ADAMTS17: variants seen among roughly 807,000 people sequenced by gnomAD.
ADAMTS17 encodes ADAM metallopeptidase with thrombospondin type 1 motif 17.
In ADAMTS17, 113 loss-of-function variants were observed where a neutral mutation model predicts 141.5. That is an observed-to-expected ratio of 0.80 (90% confidence interval 0.69 to 0.93). The LOEUF (loss-of-function observed/expected upper bound fraction) is 0.93, where lower values mean the gene tolerates loss of function less well. Among genes scored for constraint, ADAMTS17 ranks in the 40% least tolerant of loss-of-function variants. ADAMTS17 has a pLI of 0.00. For synonymous variants in ADAMTS17, 768 were observed against 630.6 expected (o/e 1.22, Z -3.27); for missense variants, 1,659 against 1,517.9 (o/e 1.09, Z -1.54).
chr15:100,132,010 G>C lies in ADAMTS17; in HGVS notation c.1718C>G (p.Pro573Arg). 1.2e-6 allele frequency: 2 copies of C among 1,614,218 alleles called. No homozygotes were observed. Among genetic ancestry groups the C allele is most frequent in the Non-Finnish European group, 1.7e-6 (2 of 1,180,040 alleles). Reference sequence around the variant, plus strand: ...TATGGCTGGTCAGGGGACTTACGGGGGGTTGTCACATTTCCTCTGCCTGAA... The same window carrying C: ...TATGGCTGGTCAGGGGACTTACGGGCGGTTGTCACATTTCCTCTGCCTGAA... ...ARFRQRKCDNPPPGPGGTHCP... is the reference protein window; with the variant it reads ...ARFRQRKCDNRPPGPGGTHCP... The change falls in exon 12 of 22, where the codon CCC becomes CGC. Residue 573 changes from proline (P) to arginine (R), a missense_variant. Coordinates refer to ENST00000268070, the MANE Select transcript of ADAMTS17 (RefSeq NM_139057.4).
At chr15:100,281,847 C>A (rs7496994) in intron 3 of ADAMTS17, among the ~76,000 whole-genome samples, 62,926 of 151,966 alleles carry the variant, frequency 0.41, 13,684 homozygotes, top group South Asian at 0.58. Context: ...GGGCTGGCAT[C>A]CCAGTAACTC....
intron 18 of ADAMTS17, among the ~76,000 whole-genome samples, chr15:100,045,479 T>C (rs2031612557): frequency 1.3e-5 from 2 of 152,164 alleles, no homozygotes; most frequent in Non-Finnish European, 2.9e-5. Context: ...ACTGTCTCTC[T>C]TGTGGTGGGC....
At chr15:100,310,690 A>G (rs2045374523) in intron 3 of ADAMTS17, among the ~76,000 whole-genome samples, 1 of 152,158 alleles carries the variant, frequency 6.6e-6, no homozygotes, top group Admixed American at 6.5e-5. Context: ...GTGACGCCTG[A>G]CGTTTTCTGC....
intron 4 of ADAMTS17, among the ~76,000 whole-genome samples, chr15:100,280,074 A>T (rs1334925282): frequency 6.6e-6 from 1 of 150,492 alleles, no homozygotes; most frequent in Non-Finnish European, 1.5e-5. Flanking sequence ...AGTGCTACTC[A>T]CTCCGCTACT....
rs181080188 is a variant in ADAMTS17 at position 100,339,114 on chromosome 15, G to C, written c.450+1925C>G. ...AAGCTGAAGTCTTAGAGGTACAACC[G>C]CCACTGGCACACACTGAACTCAGCC... is the stretch of plus-strand genomic sequence containing the variant. On this transcript the variant is annotated intron_variant, in intron 2 of 21. Transcript: ENST00000268070. The C allele has an allele frequency of 1.5e-5, 15 of 985,446 alleles. No individual in the cohort carries two copies. The East Asian group carries it at 1.6e-3, about 104-fold the overall frequency. 61.0% of individuals were successfully genotyped at this position (985,446 alleles called of 1,614,324 possible). A position where few individuals can be genotyped will look rare whatever the true frequency, so the allele number is the denominator to read the frequency against.
intron 15 of ADAMTS17, among the ~76,000 whole-genome samples, chr15:100,058,298 G>A (rs2032802029): frequency 1.9e-5 from 1 of 52,372 alleles, no homozygotes; most frequent in Non-Finnish European, 5.1e-5. Flanking sequence ...TCCTATCCCG[G>A]CTCTAACACC....
At chr15:100,252,781 C>T (rs904489711) in intron 7 of ADAMTS17, among the ~76,000 whole-genome samples, 4 of 152,172 alleles carry the variant, frequency 2.6e-5, no homozygotes, top group Non-Finnish European at 2.9e-5. Flanking sequence ...CTTGACATCT[C>T]GCTCTCAGAT....
chr15:100,314,774 T>G (rs2045509517), intron 3 of ADAMTS17, among the ~76,000 whole-genome samples: 1 of 152,182 alleles, frequency 6.6e-6, no homozygotes, highest in South Asian at 2.1e-4. Context: ...GGACAGTGCC[T>G]GCAGCCAGCC....
intron 7 of ADAMTS17, among the ~76,000 whole-genome samples, chr15:100,205,285 A>G (rs2041492948): frequency 6.6e-6 from 1 of 152,158 alleles, no homozygotes; most frequent in Admixed American, 6.5e-5. Flanking sequence ...GTTAAGGGTA[A>G]GTGGAGGAAT....
chr15:100,006,371 CA>C (rs1453320229), intron 18 of ADAMTS17, among the ~76,000 whole-genome samples: 1 of 152,178 alleles, frequency 6.6e-6, no homozygotes, highest in East Asian at 1.9e-4. Flanking sequence ...ATTTAAAATT[CA>C]ATTTCTATTT....
chr15:100,308,296 G>A (rs7177494), intron 3 of ADAMTS17, among the ~76,000 whole-genome samples: 3,452 of 152,266 alleles, frequency 0.023, 138 homozygotes, highest in African/African-American at 0.079. Context: ...TCAGTTGTCT[G>A]GAACACAGGC....
chr15:100,124,614 C>T (rs926962367), intron 12 of ADAMTS17, among the ~76,000 whole-genome samples: 54 of 152,258 alleles, frequency 3.5e-4, no homozygotes, highest in African/African-American at 1.3e-3. Context: ...TGCCCTCCTA[C>T]TGTACTGACA....
Position 99,973,834 on chromosome 15 carries a change from T to TGC in ADAMTS17, c.*567_*568insGC. ...AACACCTAGGATTTAGAGACTATGTTCTCAGAGACGGGCATGGAGGCAACG... is the reference window on the plus strand; with the variant it reads ...AACACCTAGGATTTAGAGACTATGTTGCCTCAGAGACGGGCATGGAGGCAACG... On this transcript the variant is annotated 3_prime_UTR_variant, in exon 22 of 22. Transcript: ENST00000268070. 1.0e-5 allele frequency: 2 copies of TGC among 196,572 alleles called. No homozygotes were observed. The highest frequency in any genetic ancestry group is 2.1e-5 in the Non-Finnish European group (2 of 95,204). The allele number at this position is 196,572 out of a possible 1,614,324, so 12.2% of individuals were successfully genotyped here. A position where few individuals can be genotyped will look rare whatever the true frequency, so the allele number is the denominator to read the frequency against.
At chr15:100,085,843 G>A (rs1196518197) in intron 15 of ADAMTS17, among the ~76,000 whole-genome samples, 1 of 152,032 alleles carries the variant, frequency 6.6e-6, no homozygotes, top group Admixed American at 6.5e-5. Context: ...GCTCTTGAAG[G>A]AAGCACTAAA....
At chr15:100,271,588 T>C (rs1183097964) in intron 4 of ADAMTS17, among the ~76,000 whole-genome samples, 3 of 152,068 alleles carry the variant, frequency 2.0e-5, no homozygotes, top group Non-Finnish European at 4.4e-5. Context: ...TTGAATTGTT[T>C]TTTTTTTTCC....
intron 3 of ADAMTS17, among the ~76,000 whole-genome samples, chr15:100,324,304 CAAATAAAT>C (rs927776403): frequency 6.6e-6 from 1 of 151,698 alleles, no homozygotes; most frequent in Non-Finnish European, 1.5e-5. Flanking sequence ...GACTCCGTCT[CAAATAAAT>C]AAATAAATAG....
intron 7 of ADAMTS17, among the ~76,000 whole-genome samples, chr15:100,245,249 C>T (rs2042952379): frequency 1.3e-5 from 2 of 152,228 alleles, no homozygotes; most frequent in Admixed American, 1.3e-4. Context: ...TTCAGAATCC[C>T]CTCGCAGGCA....
intron 15 of ADAMTS17, among the ~76,000 whole-genome samples, chr15:100,075,280 G>T (rs542037026): frequency 6.6e-6 from 1 of 152,260 alleles, no homozygotes; most frequent in South Asian, 2.1e-4. Context: ...ATCCTAAAAA[G>T]GAATTTAATG....
intron 17 of ADAMTS17, among the ~76,000 whole-genome samples, chr15:100,050,804 C>A (rs1256544955): frequency 6.6e-6 from 1 of 152,192 alleles, no homozygotes; most frequent in African/African-American, 2.4e-5. Context: ...AATCCACCCA[C>A]CCTGTGTTCC....
Sources: allele counts gnomAD v4.1 joint callset (sites outside exome capture counted in the v4.1 genomes callset), GRCh38; gene constraint gnomAD v4.1.1; transcripts MANE v1.5; gene names NCBI Gene and HGNC (gene_info 2026-07-23, HGNC 2026-07-21).